The following RAET1E variants were observed in gnomAD, a reference collection of about 807,000 sequenced individuals.
RAET1E encodes retinoic acid early transcript 1E.
A neutral mutation model predicts 21.1 loss-of-function variants in RAET1E; 27 were observed. That is an observed-to-expected ratio of 1.28 (90% CI 0.94 to 1.76). RAET1E has a LOEUF of 1.76. Ranked by LOEUF, RAET1E falls within the 40% of genes most tolerant of loss-of-function variation. The pLI is 0.00. For synonymous variants in RAET1E, 113 were observed against 115.0 expected (o/e 0.98, Z 0.11); for missense variants, 310 against 311.3 (o/e 1.00, Z 0.03).
At position 149,888,667 on chromosome 6, in the gene RAET1E, A is replaced by AC; in HGVS notation, c.623-1dup (p.Val208GlyfsTer15). 13 of 1,478,004 alleles carry AC rather than the reference A, an allele frequency of 8.8e-6. No individual in the cohort carries two copies. Among genetic ancestry groups the AC allele is most frequent in the South Asian group, 1.4e-5 (1 of 74,016 alleles). 91.6% of individuals were successfully genotyped at this position (1,478,004 alleles called of 1,614,324 possible). A position where few individuals can be genotyped will look rare whatever the true frequency, so the allele number is the denominator to read the frequency against. On this transcript the variant is annotated frameshift_variant and splice_region_variant. Coordinates refer to ENST00000357183, the MANE Select transcript of RAET1E (RefSeq NM_001394057.1). LOFTEE classifies it high-confidence loss of function. ...GATATCTGAAGCATTTACTGGTGACACTAAAAAAAAAAAAAAAAAGAAAAA... is the reference window on the plus strand; with the variant it reads ...GATATCTGAAGCATTTACTGGTGACACCTAAAAAAAAAAAAAAAAAGAAAAA...
In RAET1E at chr6:149,890,688, C is replaced by G. The variant is rs555233089; in HGVS notation, c.85+129G>C. ...AACTGGGTGTAACATCCCAGGGATCCTCTTCCTCACGTCATCCTTAAGAGC... is the reference window on the plus strand; with the variant it reads ...AACTGGGTGTAACATCCCAGGGATCGTCTTCCTCACGTCATCCTTAAGAGC... On this transcript the variant is annotated intron_variant, in intron 3 of 5. Coordinates refer to ENST00000357183, the MANE Select transcript of RAET1E (RefSeq NM_001394057.1). 6.0e-6 allele frequency: 4 copies of G among 666,506 alleles called. No individual in the cohort carries two copies. In the East Asian group the frequency reaches 1.1e-4, roughly 19 times the overall value. 41.3% of individuals were successfully genotyped at this position (666,506 alleles called of 1,614,324 possible).
chr6:149,884,593 C>CCT lies in RAET1E; in HGVS notation c.*3903_*3904dup. On this transcript the variant is annotated 3_prime_UTR_variant, in exon 6 of 6. Transcript: ENST00000357183. ...GTGATCTCTCAGGACTCAGATCCCA[C>CCT]CTCTCTCTCAGGGAGAGATCAGCCG... The CCT allele has an allele frequency of 8.7e-7, 1 of 1,156,008 alleles. No homozygotes were observed. Among genetic ancestry groups the CCT allele is most frequent in the Non-Finnish European group, 1.2e-6 (1 of 802,324 alleles). The allele number at this position is 1,156,008 out of a possible 1,614,324, so 71.6% of individuals were successfully genotyped here.
chr6:149,888,669 T>TAA lies in RAET1E; in HGVS notation c.623-4_623-3dup, dbSNP rs3036672. 0.091 allele frequency: 118,338 copies of TAA among 1,294,730 alleles called. 2,406 individuals are homozygous for TAA. Among genetic ancestry groups the TAA allele is most frequent in the East Asian group, 0.3 (9,257 of 30,896 alleles). The allele number at this position is 1,294,730 out of a possible 1,614,324, so 80.2% of individuals were successfully genotyped here. On this transcript the variant is annotated splice_polypyrimidine_tract_variant and splice_region_variant and intron_variant, in intron 5 of 5. Transcript: ENST00000357183. The stretch of plus-strand genomic sequence containing the variant: ...TATCTGAAGCATTTACTGGTGACAC[T>TAA]AAAAAAAAAAAAAAAAAGAAAAAAA...
Position 149,889,018 on chromosome 6 carries a change from G to T in RAET1E, c.622+330C>A. 3 of 1,199,990 alleles carry T rather than the reference G, an allele frequency of 2.5e-6. No homozygotes were observed. The South Asian group carries it at 5.7e-5, about 23-fold the overall frequency. 74.3% of individuals were successfully genotyped at this position (1,199,990 alleles called of 1,614,324 possible). ...GAAGGCTTCCTAAGAAGTGGCATTA[G>T]AGCTGGTGGAAGGGTAATTATAATA... On this transcript the variant is annotated intron_variant, in intron 5 of 5. Transcript: ENST00000357183.
chr6:149,888,537 A>G lies in RAET1E; in HGVS notation c.753T>C (p.Gly251=). ...AGGGCCAGAGACCAGCCTGCCACTC[A>G]CCATTTTGCCACCAGACACAGATGA... The part of the protein sequence containing the change: ...IVLICVWWQN[G]EWQAGLWPLR... The change falls in exon 6 of 6, where the codon GGT becomes GGC. Residue 251 remains glycine (G), a synonymous_variant. Transcript: ENST00000357183. 3.1e-6 allele frequency: 5 copies of G among 1,613,816 alleles called. No homozygotes were observed. Among genetic ancestry groups the G allele is most frequent in the Non-Finnish European group, 4.2e-6 (5 of 1,179,962 alleles).
At chr6:149,892,635 T>C (rs984377226) in intron 2 of RAET1E, among the ~76,000 whole-genome samples, 1 of 152,182 alleles carries the variant, frequency 6.6e-6, no homozygotes, top group African/African-American at 2.4e-5. Context: ...ATTGCAAAAA[T>C]CTTCTCCCAT....
intron 3 of RAET1E, 139 bp from the exon 4 acceptor site, chr6:149,890,284 C>T (rs1364279786): frequency 1.9e-5 from 16 of 826,018 alleles, no homozygotes; most frequent in Admixed American, 2.6e-5. Context: ...CCTCAACCTT[C>T]TGGATCCCTG....
rs112372023 is a variant in RAET1E, at chr6:149,884,913, C to T, written c.*3585G>A. Among the ~76,000 whole-genome samples the T allele has an allele frequency of 2.8e-3, 421 of 152,202 alleles. No individual in the cohort carries two copies. The highest frequency in any genetic ancestry group is 0.01 in the Middle Eastern group (3 of 294). On this transcript the variant is annotated 3_prime_UTR_variant, in exon 6 of 6. Coordinates refer to ENST00000357183, the MANE Select transcript of RAET1E (RefSeq NM_001394057.1). ...CAGAAACCCAGGTGTCAAAGGAATCCCACCTTCTAGTCCTTGCTGTCCTCA... is the reference window on the plus strand; with the variant it reads ...CAGAAACCCAGGTGTCAAAGGAATCTCACCTTCTAGTCCTTGCTGTCCTCA...
rs1009109175 is a variant in RAET1E at position 149,887,239 on chromosome 6, C to T, written c.*1259G>A. 1.7e-4 allele frequency among the ~76,000 whole-genome samples: 26 copies of T among 152,176 alleles called. No individual in the cohort carries two copies. Among genetic ancestry groups the T allele is most frequent in the African/African-American group, 6.3e-4 (26 of 41,432 alleles). On this transcript the variant is annotated 3_prime_UTR_variant, in exon 6 of 6. Transcript: ENST00000357183. Reference sequence around the variant, plus strand: ...TAAAACTGTTCTTTTGCCTCCCTTCCTACTCACCAATCCCCTTCACTATTG... The same window carrying T: ...TAAAACTGTTCTTTTGCCTCCCTTCTTACTCACCAATCCCCTTCACTATTG...
intron 2 of RAET1E, among the ~76,000 whole-genome samples, chr6:149,895,284 G>A (rs907680999): frequency 6.6e-6 from 1 of 152,248 alleles, no homozygotes; most frequent in Admixed American, 6.5e-5. Context: ...GAGCTCGAAT[G>A]CTGTGCTGGG....
At position 149,888,227 on chromosome 6, in the gene RAET1E, A is replaced by G. The variant is rs770520122; in HGVS notation, c.*271T>C. The stretch of plus-strand genomic sequence containing the variant: ...AAATCACGGTAAACGCAGACAGCAA[A>G]CAAACTTTCCGTCAAAGAGCTGGAT... On this transcript the variant is annotated 3_prime_UTR_variant, in exon 6 of 6. Coordinates refer to ENST00000357183, the MANE Select transcript of RAET1E (RefSeq NM_001394057.1). 4 of 678,772 alleles carry G rather than the reference A, an allele frequency of 5.9e-6. No individual in the cohort carries two copies. Among genetic ancestry groups the G allele is most frequent in the Non-Finnish European group, 1.1e-5 (4 of 366,728 alleles). 42.0% of individuals were successfully genotyped at this position (678,772 alleles called of 1,614,324 possible). A position where few individuals can be genotyped will look rare whatever the true frequency, so the allele number is the denominator to read the frequency against.
chr6:149,893,646 A>G (rs1777998470), intron 2 of RAET1E, among the ~76,000 whole-genome samples: 1 of 152,190 alleles, frequency 6.6e-6, no homozygotes, highest in South Asian at 2.1e-4. Flanking sequence ...GTCATCTGCA[A>G]ACAGAGACAA....
At position 149,884,946 on chromosome 6, in the gene RAET1E, T is replaced by A. The variant is rs1777544424; in HGVS notation, c.*3552A>T. On this transcript the variant is annotated 3_prime_UTR_variant, in exon 6 of 6. Coordinates refer to ENST00000357183, the MANE Select transcript of RAET1E (RefSeq NM_001394057.1). ...TAGTCCTTGCTGTCCTCACAGAGTG[T>A]CTAGGGTTCACTTTCAGCCTTCCCT... Among the ~76,000 whole-genome samples, 1 of 152,082 alleles carries A rather than the reference T, an allele frequency of 6.6e-6. No individual in the cohort carries two copies. The highest frequency in any genetic ancestry group is 1.5e-5 in the Non-Finnish European group (1 of 67,984).
At chr6:149,889,741 C>A in intron 4 of RAET1E, 118 bp from the exon 5 acceptor site, 4 of 1,492,950 alleles carry the variant, frequency 2.7e-6, no homozygotes, top group Non-Finnish European at 3.6e-6. Context: ...CAGACTTGCC[C>A]TTTCCTGCCC....
In RAET1E at chr6:149,896,927, C is replaced by T. The variant is rs111533275; in HGVS notation, c.-320-895G>A. 1.8e-3 allele frequency among the ~76,000 whole-genome samples: 275 copies of T among 152,252 alleles called. 1 individual carries two copies. Among genetic ancestry groups the T allele is most frequent in the African/African-American group, 6.1e-3 (252 of 41,544 alleles). On this transcript the variant is annotated intron_variant, in intron 1 of 5. Coordinates refer to ENST00000357183, the MANE Select transcript of RAET1E (RefSeq NM_001394057.1). ...CTGTGGTCCTGAATCTCAGCTTGGC[C>T]TGAGCCAACCTGAAGATGGGAAGGA... is the stretch of plus-strand genomic sequence containing the variant.
In RAET1E at chr6:149,888,469, T is replaced by A; in HGVS notation, c.*29A>T. On this transcript the variant is annotated 3_prime_UTR_variant, in exon 6 of 6. Coordinates refer to ENST00000357183, the MANE Select transcript of RAET1E (RefSeq NM_001394057.1). ...GGAGCGGGGGCTTGGATGAGACCCA[T>A]GATTCACCTCTCTTGAGTCCTTACC... 1 of 1,604,926 alleles carries A rather than the reference T, an allele frequency of 6.2e-7. No homozygotes were observed. The highest frequency in any genetic ancestry group is 8.5e-7 in the Non-Finnish European group (1 of 1,175,032).
Position 149,885,368 on chromosome 6 carries a change from G to C in RAET1E, c.*3130C>G, listed in dbSNP as rs141396955. ...CCTTTGCCTTTCTCCTGTTGGCCAG[G>C]GACAGAGAGGGCTCAACTTGACCCA... On this transcript the variant is annotated 3_prime_UTR_variant, in exon 6 of 6. Transcript: ENST00000357183. Among the ~76,000 whole-genome samples the C allele has an allele frequency of 6.6e-6, 1 of 152,232 alleles. No individual in the cohort carries two copies. Among genetic ancestry groups the C allele is most frequent in the Non-Finnish European group, 1.5e-5 (1 of 68,010 alleles).
At chr6:149,896,866 G>T (rs938053223) in intron 1 of RAET1E, among the ~76,000 whole-genome samples, 1 of 152,136 alleles carries the variant, frequency 6.6e-6, no homozygotes, top group African/African-American at 2.4e-5. Flanking sequence ...AAAATATACA[G>T]AAAGGGGAAA....
At chr6:149,894,116 A>G (rs1218451988) in intron 2 of RAET1E, among the ~76,000 whole-genome samples, 3 of 151,940 alleles carry the variant, frequency 2.0e-5, no homozygotes, top group Non-Finnish European at 4.4e-5. Context: ...GGATTTTTGC[A>G]TCAATGTTCA....
Sources: allele counts gnomAD v4.1 joint callset (sites outside exome capture counted in the v4.1 genomes callset), GRCh38; gene constraint gnomAD v4.1.1; transcripts MANE v1.5; gene names NCBI Gene and HGNC (gene_info 2026-07-23, HGNC 2026-07-21).